MOB3B: variants seen among roughly 807,000 people sequenced by gnomAD.
MOB3B encodes MOB kinase activator 3B.
Under a neutral mutation model 18.7 loss-of-function variants are expected in MOB3B, and 7 were observed. The observed-to-expected ratio is 0.37, with a 90% CI of 0.21 to 0.70. The LOEUF (loss-of-function observed/expected upper bound fraction) is 0.70. Ranked by LOEUF, MOB3B falls within the 30% of genes least tolerant of loss-of-function variation. The probability of loss-of-function intolerance (pLI) is 0.52; values close to 1 mark genes in which losing one functional copy is unlikely to be tolerated. For missense variants in MOB3B, 253 were observed against 281.3 expected, an observed-to-expected ratio of 0.90 and a Z score of 0.72; for synonymous variants, 111 against 99.9, an observed-to-expected ratio of 1.11 and a Z score of -0.66.
At chr9:27,332,952 A>G (rs1587136449) in intron 3 of MOB3B, among the ~76,000 whole-genome samples, 1 of 152,338 alleles carries the variant, frequency 6.6e-6, no homozygotes, top group African/African-American at 2.4e-5. Flanking sequence ...ATATTAATTG[A>G]CATATATAAT....
intron 1 of MOB3B, among the ~76,000 whole-genome samples, chr9:27,522,442 T>C (rs1563889864): frequency 6.9e-6 from 1 of 145,316 alleles, no homozygotes; most frequent in Non-Finnish European, 1.5e-5. Flanking sequence ...TATATATATA[T>C]ATATGCATAT....
chr9:27,358,996 G>A lies in MOB3B; in HGVS notation c.621+38C>T, dbSNP rs749637549. 1.2e-5 allele frequency: 19 copies of A among 1,598,588 alleles called. No individual in the cohort carries two copies. The Middle Eastern group carries it at 5.0e-4, about 42-fold the overall frequency. On this transcript the variant is annotated intron_variant, in intron 3 of 3. Coordinates refer to ENST00000262244, the MANE Select transcript of MOB3B (RefSeq NM_024761.5). ...GCTCTGACAAATGGCCGAGCTCCTG[G>A]GGTGACTTGGATACCATTATTTCAT... is the stretch of plus-strand genomic sequence containing the variant.
intron 2 of MOB3B, among the ~76,000 whole-genome samples, chr9:27,371,863 C>T (rs1206530869): frequency 1.3e-5 from 2 of 151,812 alleles, no homozygotes; most frequent in South Asian, 2.1e-4. Flanking sequence ...GAAACCTCCC[C>T]GTGGTTAAAT....
Position 27,330,577 on chromosome 9 carries a change from A to G in MOB3B, c.*10T>C, listed in dbSNP as rs1445733072. 6.2e-7 allele frequency: 1 copy of G among 1,613,834 alleles called. No individual in the cohort carries two copies. On this transcript the variant is annotated 3_prime_UTR_variant, in exon 4 of 4. Coordinates refer to ENST00000262244, the MANE Select transcript of MOB3B (RefSeq NM_024761.5). ...CAGCTTTCCTTTCTTCCAAAGGGTGAGGTGGAGCATTAGTGACACATCCTG... is the reference window on the plus strand; with the variant it reads ...CAGCTTTCCTTTCTTCCAAAGGGTGGGGTGGAGCATTAGTGACACATCCTG...
chr9:27,408,819 G>A (rs1490255962), intron 2 of MOB3B, among the ~76,000 whole-genome samples: 2 of 152,096 alleles, frequency 1.3e-5, no homozygotes, highest in African/African-American at 4.8e-5. Flanking sequence ...CTTCCTTCCT[G>A]CTACAAAGCT....
Position 27,445,495 on chromosome 9 carries a change from C to T in MOB3B, c.418+9638G>A, listed in dbSNP as rs79136942. Among the ~76,000 whole-genome samples the T allele has an allele frequency of 3.0e-3, 452 of 152,288 alleles. 18 individuals are homozygous for T. The East Asian group carries it at 0.074, about 25-fold the overall frequency. ...GCTACTGCCCACAGGTAGTTTCTAG[C>T]GACTCTGGTACCTCGTTGACACATT... is the stretch of plus-strand genomic sequence containing the variant. On this transcript the variant is annotated intron_variant, in intron 2 of 3. Coordinates refer to ENST00000262244, the MANE Select transcript of MOB3B (RefSeq NM_024761.5).
At chr9:27,355,821 T>C (rs1191828999) in intron 3 of MOB3B, among the ~76,000 whole-genome samples, 1 of 152,158 alleles carries the variant, frequency 6.6e-6, no homozygotes, top group African/African-American at 2.4e-5. Flanking sequence ...CTCGAGAGCA[T>C]AGATTTTTTA....
intron 2 of MOB3B, among the ~76,000 whole-genome samples, chr9:27,390,215 G>A (rs1032858520): frequency 2.0e-5 from 3 of 152,036 alleles, no homozygotes; most frequent in African/African-American, 7.3e-5. Context: ...AGCCTCCTGA[G>A]TAGCTGAGAT....
At chr9:27,488,979 AC>A (rs1819773577) in intron 1 of MOB3B, among the ~76,000 whole-genome samples, 1 of 152,224 alleles carries the variant, frequency 6.6e-6, no homozygotes, top group Non-Finnish European at 1.5e-5. Context: ...ACTTACACAG[AC>A]TAAAAGAGTG....
intron 2 of MOB3B, among the ~76,000 whole-genome samples, chr9:27,395,052 G>C (rs1438774190): frequency 6.6e-6 from 1 of 152,158 alleles, no homozygotes. Context: ...CTTGGCTTAG[G>C]ATAAAAAATT....
intron 1 of MOB3B, among the ~76,000 whole-genome samples, chr9:27,480,564 T>G (rs948191766): frequency 6.6e-6 from 1 of 152,116 alleles, no homozygotes; most frequent in Admixed American, 6.5e-5. Context: ...CCTCCCAAAG[T>G]GCTAGGATTA....
intron 2 of MOB3B, among the ~76,000 whole-genome samples, chr9:27,388,277 AC>A (rs1821674334): frequency 1.3e-5 from 2 of 152,142 alleles, no homozygotes; most frequent in Non-Finnish European, 2.9e-5. Flanking sequence ...GTAGGAGGCT[AC>A]TCTGGTGATG....
At chr9:27,489,739 A>ATGTTTTTTTTTTTTTTTT (rs1554652743) in intron 1 of MOB3B, among the ~76,000 whole-genome samples, 2 of 10,064 alleles carry the variant, frequency 2.0e-4, no homozygotes, top group Non-Finnish European at 7.0e-4. Context: ...TAAGGAAATA[A>ATGTTTTTTTTTTTTTTTT]TCTTTTTTTT....
At chr9:27,365,183 CA>C (rs1821326161) in intron 2 of MOB3B, among the ~76,000 whole-genome samples, 1 of 81,604 alleles carries the variant, frequency 1.2e-5, no homozygotes. Flanking sequence ...AAAGAAAACC[CA>C]CAGCAGAAAG....
chr9:27,348,075 A>C (rs1406656036), intron 3 of MOB3B, among the ~76,000 whole-genome samples: 1 of 152,178 alleles, frequency 6.6e-6, no homozygotes, highest in East Asian at 1.9e-4. Flanking sequence ...TTGAAAGGGA[A>C]GTGAGAAAGT....
chr9:27,429,854 G>A (rs1421453277), intron 2 of MOB3B, among the ~76,000 whole-genome samples: 2 of 152,188 alleles, frequency 1.3e-5, no homozygotes, highest in Non-Finnish European at 2.9e-5. Context: ...AGCACAGATG[G>A]TGTCTCTAAT....
chr9:27,398,723 C>T (rs890329127), intron 2 of MOB3B, among the ~76,000 whole-genome samples: 8 of 152,138 alleles, frequency 5.3e-5, no homozygotes, highest in African/African-American at 1.9e-4. Flanking sequence ...AAATACTGAC[C>T]ATGTAATACC....
chr9:27,374,917 C>G (rs1420301963), intron 2 of MOB3B, among the ~76,000 whole-genome samples: 2 of 152,182 alleles, frequency 1.3e-5, no homozygotes, highest in Non-Finnish European at 2.9e-5. Flanking sequence ...GAAAAGTTAC[C>G]TGTGATTGCA....
At chr9:27,372,555 C>A (rs946276917) in intron 2 of MOB3B, among the ~76,000 whole-genome samples, 3 of 152,140 alleles carry the variant, frequency 2.0e-5, no homozygotes, top group Non-Finnish European at 4.4e-5. Context: ...TCAAGGTTAA[C>A]ATCAACAGTG....
Sources: gnomAD v4.1 joint callset for allele counts (sites outside exome capture counted in the v4.1 genomes callset) on GRCh38, gnomAD v4.1.1 for gene constraint, MANE v1.5 for transcripts, NCBI Gene and HGNC (gene_info 2026-07-23, HGNC 2026-07-21) for gene names.